REPS2: variants seen among roughly 807,000 people sequenced by gnomAD.
REPS2 encodes RALBP1 associated Eps domain containing 2.
REPS2 carries 23 observed loss-of-function variants against 53.6 expected under a neutral mutation model. The ratio of observed to expected loss-of-function variants is 0.43; its 90% CI spans 0.31 to 0.61. REPS2 has a LOEUF of 0.61. Ranked by LOEUF, REPS2 falls within the 20% of genes least tolerant of loss-of-function variation. The pLI is 0.11. For synonymous variants in REPS2, 238 were observed against 218.6 expected, an observed-to-expected ratio of 1.09 and a Z score of -0.78; for missense variants, 446 against 534.9, an observed-to-expected ratio of 0.83 and a Z score of 1.64.
chrX:17,029,439 C>T, intron 4 of REPS2, 87 bp from the exon 5 acceptor site: 1 of 624,858 alleles, frequency 1.6e-6, no homozygotes, highest in Admixed American at 2.6e-5. Flanking sequence ...TCCTGAAAAG[C>T]AGATGCTGTA....
the REPS2 span, among the ~76,000 whole-genome samples, chrX:17,174,079 C>A: frequency 9.0e-6 from 1 of 110,645 alleles, no homozygotes; most frequent in Non-Finnish European, 1.9e-5. Flanking sequence ...TCACAACAAC[C>A]CTGTAAAGTA....
At chrX:16,984,191 G>A (rs748320397) in intron 1 of REPS2, among the ~76,000 whole-genome samples, 18 of 112,067 alleles carry the variant, frequency 1.6e-4, no homozygotes, top group African/African-American at 4.5e-4. Context: ...GGGCTGCAGC[G>A]ATCTGAAGAC....
chrX:17,119,229 C>G (rs1340602764), intron 14 of REPS2, among the ~76,000 whole-genome samples: 1 of 112,298 alleles, frequency 8.9e-6, no homozygotes, highest in Non-Finnish European at 1.9e-5. Context: ...CCCCAGTGTA[C>G]CAGCTCCTAC....
intron 17 of REPS2, among the ~76,000 whole-genome samples, chrX:17,145,624 A>C (rs2063502635): frequency 9.0e-6 from 1 of 111,332 alleles, no homozygotes; most frequent in African/African-American, 3.3e-5. Flanking sequence ...TCTAGAATTC[A>C]TCCACTTCTC....
At chrX:16,999,743 C>CT (rs2061277989) in intron 1 of REPS2, among the ~76,000 whole-genome samples, 2 of 111,817 alleles carry the variant, frequency 1.8e-5, no homozygotes, top group African/African-American at 6.5e-5. Flanking sequence ...AATACCTTTT[C>CT]TTTTTAAAAA....
rs1019963561 is a variant in REPS2, at chrX:17,152,231, G to A, written c.*4750G>A. 8.9e-6 allele frequency: 1 copy of A among 112,077 alleles called. No homozygotes were observed. Among genetic ancestry groups the A allele is most frequent in the African/African-American group, 3.2e-5 (1 of 30,886 alleles). 9.2% of individuals were successfully genotyped at this position (112,077 alleles called of 1,213,427 possible). On this transcript the variant is annotated 3_prime_UTR_variant, in exon 18 of 18. Transcript: ENST00000357277. Reference sequence around the variant, plus strand: ...TTACATGCATGCCCTAAAGCAGTCAGTCTGTTAGTATGAGCAAGACATCTG... The same window carrying A: ...TTACATGCATGCCCTAAAGCAGTCAATCTGTTAGTATGAGCAAGACATCTG...
intron 1 of REPS2, among the ~76,000 whole-genome samples, chrX:16,950,821 G>A (rs1349092066): frequency 8.9e-6 from 1 of 112,787 alleles, no homozygotes; most frequent in Non-Finnish European, 1.9e-5. Flanking sequence ...GACCAAGGAT[G>A]GGAGGATTGC....
At chrX:17,193,975 G>A in the REPS2 span, among the ~76,000 whole-genome samples, 932 of 111,646 alleles carry the variant, frequency 8.3e-3, 21 homozygotes, top group African/African-American at 0.029. Flanking sequence ...AACTGGGGAT[G>A]CATCGACAGT....
chrX:17,054,317 A>G (rs2062038976), intron 7 of REPS2, among the ~76,000 whole-genome samples: 1 of 112,908 alleles, frequency 8.9e-6, no homozygotes, highest in Non-Finnish European at 1.9e-5. Context: ...CGTGACTTGA[A>G]AAGTTCACGG....
intron 1 of REPS2, among the ~76,000 whole-genome samples, chrX:16,980,959 A>T (rs967908269): frequency 8.0e-5 from 9 of 112,614 alleles, no homozygotes; most frequent in African/African-American, 2.9e-4. Context: ...GTGCTGGCTC[A>T]TGTGTGGGCC....
At chrX:16,986,898 G>A (rs2061097961) in intron 1 of REPS2, among the ~76,000 whole-genome samples, 1 of 106,197 alleles carries the variant, frequency 9.4e-6, no homozygotes, top group African/African-American at 3.4e-5. Flanking sequence ...GAACTGGTTA[G>A]TACCCTTATA....
chrX:17,186,981 T>C, the REPS2 span, among the ~76,000 whole-genome samples: 2 of 111,474 alleles, frequency 1.8e-5, no homozygotes, highest in Non-Finnish European at 3.8e-5. Context: ...TTGGGTACAA[T>C]GTACACTACT....
chrX:17,159,146 TCC>T, the REPS2 span, among the ~76,000 whole-genome samples: 2 of 111,708 alleles, frequency 1.8e-5, no homozygotes, highest in Non-Finnish European at 3.8e-5. Flanking sequence ...CCACAACTGA[TCC>T]CCTTTTCACT....
At chrX:17,032,645 C>T (rs189695008) in intron 5 of REPS2, among the ~76,000 whole-genome samples, 89 of 111,721 alleles carry the variant, frequency 8.0e-4, no homozygotes, top group Middle Eastern at 4.6e-3. Flanking sequence ...GTTGATGTGC[C>T]GATGGCAACC....
chrX:17,106,697 A>G (rs1408836158), intron 14 of REPS2, among the ~76,000 whole-genome samples: 2 of 111,621 alleles, frequency 1.8e-5, no homozygotes, highest in African/African-American at 6.5e-5. Flanking sequence ...TACAGGCATG[A>G]GCCACCATGC....
intron 13 of REPS2, among the ~76,000 whole-genome samples, chrX:17,083,809 T>G (rs1489607349): frequency 2.7e-5 from 3 of 111,108 alleles, no homozygotes; most frequent in African/African-American, 9.8e-5. Flanking sequence ...ACCCCAAACC[T>G]TTGGGCCCAC....
rs764757492 is a variant in REPS2, at chrX:17,080,905, C to T, written c.1516+3498C>T. Among the ~76,000 whole-genome samples the T allele has an allele frequency of 1.4e-4, 16 of 111,538 alleles. No individual in the cohort carries two copies. The East Asian group carries it at 3.4e-3, about 24-fold the overall frequency. On this transcript the variant is annotated intron_variant, in intron 13 of 17. Coordinates refer to ENST00000357277, the MANE Select transcript of REPS2 (RefSeq NM_004726.3). ...TTTGCCTACGTTCTGGACCTCCCTC[C>T]TGTCAGGCACTTGGGAATGTGAGGG...
chrX:17,138,019 G>A (rs182267559), intron 16 of REPS2: 1 of 112,544 alleles, frequency 8.9e-6, no homozygotes, highest in East Asian at 2.8e-4. Context: ...TTTTCTAGGA[G>A]AACATCAGTT....
chrX:17,071,484 G>T (rs2062304544), intron 11 of REPS2, among the ~76,000 whole-genome samples: 1 of 109,722 alleles, frequency 9.1e-6, no homozygotes, highest in Non-Finnish European at 1.9e-5. Context: ...AATAAAACTT[G>T]TCAGGTGTGC....
Sources: allele counts gnomAD v4.1 joint callset (sites outside exome capture counted in the v4.1 genomes callset), GRCh38; gene constraint gnomAD v4.1.1; transcripts MANE v1.5; gene names NCBI Gene and HGNC (gene_info 2026-07-23, HGNC 2026-07-21).